HFM1: variants seen among roughly 807,000 people sequenced by gnomAD.
The protein encoded by HFM1 is probable ATP-dependent DNA helicase HFM1.
HFM1 carries 169 observed loss-of-function variants against 192.1 expected under a neutral mutation model. The observed-to-expected ratio is 0.88, with a 90% CI of 0.78 to 1.00. HFM1 has a LOEUF of 1.00. HFM1 is among the 50% of genes least tolerant of loss of function. The pLI is 0.00. For synonymous variants in HFM1, 525 were observed against 537.8 expected (o/e 0.98, Z 0.33); for missense variants, 1,661 against 1,668.0 (o/e 1.00, Z 0.07).
At chr1:91,324,796 C>T (rs764073812) in intron 20 of HFM1, 30 bp from the exon 21 acceptor site, 51 of 1,173,782 alleles carry the variant, frequency 4.3e-5, no homozygotes, top group Non-Finnish European at 6.1e-5. Flanking sequence ...AATGAACGGT[C>T]CCCTCATCAG....
intron 20 of HFM1, among the ~76,000 whole-genome samples, chr1:91,333,933 T>A (rs1010248980): frequency 1.3e-5 from 2 of 152,184 alleles, no homozygotes; most frequent in Non-Finnish European, 2.9e-5. Flanking sequence ...TGTTAGTATT[T>A]ACATACAAAC....
chr1:91,365,693 G>A lies in HFM1; in HGVS notation c.1685+9665C>T, dbSNP rs573073047. On this transcript the variant is annotated intron_variant, in intron 13 of 38. Transcript: ENST00000370425. ...GAATTATTTTTATGATAACACTCAT[G>A]ACTTTTTTTAAGGATTCACAATGGA... 2.0e-5 allele frequency among the ~76,000 whole-genome samples: 3 copies of A among 152,118 alleles called. 1 individual carries two copies. In the South Asian group the frequency reaches 6.2e-4, roughly 32 times the overall value.
chr1:91,334,432 G>A (rs1654282255), intron 20 of HFM1, among the ~76,000 whole-genome samples: 1 of 152,152 alleles, frequency 6.6e-6, no homozygotes, highest in African/African-American at 2.4e-5. Context: ...GGCCCTGAAA[G>A]AGCCCTCAAA....
Position 91,353,149 on chromosome 1 carries a change from A to C in HFM1, c.1733T>G (p.Ile578Ser). Reference sequence around the variant, plus strand: ...ATGATAAGCAGCACCATCTTTTAAGATATCTGTAATAGAAATATATCAGCT... The same window carrying C: ...ATGATAAGCAGCACCATCTTTTAAGCTATCTGTAATAGAAATATATCAGCT... The part of the protein sequence containing the change: ...YSVRDSKLRD[I>S]LKDGAAYHHA... Residue 578 changes from isoleucine to serine, a missense_variant, in exon 15 of 39, where the codon ATC becomes AGC. By Grantham distance (142) the Ile-to-Ser change is moderately radical. Transcript: ENST00000370425. The C allele has an allele frequency of 6.2e-7, 1 of 1,602,368 alleles. No individual in the cohort carries two copies. The highest frequency in any genetic ancestry group is 2.2e-5 in the East Asian group (1 of 44,674).
At chr1:91,276,022 T>G (rs1197927460) in intron 32 of HFM1, among the ~76,000 whole-genome samples, 1 of 152,152 alleles carries the variant, frequency 6.6e-6, no homozygotes, top group Non-Finnish European at 1.5e-5. Flanking sequence ...GTAATCAAAC[T>G]CTAGACGTAC....
In HFM1 at chr1:91,380,152, A is replaced by G. The variant is rs374059393; in HGVS notation, c.958T>C (p.Leu320=). The change falls in exon 8 of 39, where the codon TTG becomes CTG. Residue 320 remains leucine (L), a synonymous_variant. Coordinates refer to ENST00000370425, the MANE Select transcript of HFM1 (RefSeq NM_001017975.6). ...CATGGCAATGGTACTTCCATTAACA[A>G]TCTTGTTATAGCTAGTTCAAACACT... ...TVVFELAITR[L]LMEVPLPWLN... 224 of 1,501,976 alleles carry G rather than the reference A, an allele frequency of 1.5e-4. 1 individual carries two copies. Among genetic ancestry groups the G allele is most frequent in the Middle Eastern group, 1.0e-3 (6 of 5,804 alleles). 93.0% of individuals were successfully genotyped at this position (1,501,976 alleles called of 1,614,324 possible). A position where few individuals can be genotyped will look rare whatever the true frequency, so the allele number is the denominator to read the frequency against.
chr1:91,402,650 A>C (rs765746272), intron 1 of HFM1, among the ~76,000 whole-genome samples: 1 of 152,174 alleles, frequency 6.6e-6, no homozygotes, highest in Non-Finnish European at 1.5e-5. Flanking sequence ...AGTATAAATG[A>C]AAATGTTAAT....
intron 30 of HFM1, among the ~76,000 whole-genome samples, chr1:91,289,194 G>A (rs1391390429): frequency 7.3e-5 from 11 of 151,462 alleles, no homozygotes; most frequent in East Asian, 2.0e-4. Context: ...GGGTGGTGGC[G>A]GGGCAGAGAC....
chr1:91,381,237 T>C (rs1661520521), intron 6 of HFM1, among the ~76,000 whole-genome samples: 1 of 152,156 alleles, frequency 6.6e-6, no homozygotes, highest in Non-Finnish European at 1.5e-5. Flanking sequence ...GAGTGCTAAA[T>C]ATGATGGAAG....
At chr1:91,396,492 A>G in intron 2 of HFM1, 87 bp from the exon 3 acceptor site, 1 of 648,144 alleles carries the variant, frequency 1.5e-6, no homozygotes, top group Non-Finnish European at 2.6e-6. Context: ...ACTCAATTGG[A>G]CTCTTAAACA....
At chr1:91,366,992 A>T (rs1659417403) in intron 13 of HFM1, among the ~76,000 whole-genome samples, 1 of 152,226 alleles carries the variant, frequency 6.6e-6, no homozygotes, top group African/African-American at 2.4e-5. Context: ...TCCTACACCC[A>T]CAGAGCCTCG....
At chr1:91,295,741 A>G (rs1380522005) in intron 30 of HFM1, among the ~76,000 whole-genome samples, 2 of 152,136 alleles carry the variant, frequency 1.3e-5, no homozygotes, top group East Asian at 3.9e-4. Context: ...TAACATAGTC[A>G]AATTCATTAT....
At chr1:91,288,598 C>T (rs1325619217) in intron 30 of HFM1, among the ~76,000 whole-genome samples, 5 of 151,930 alleles carry the variant, frequency 3.3e-5, no homozygotes, top group Non-Finnish European at 5.9e-5. Flanking sequence ...AGTATGCTGC[C>T]TTCAAGCATC....
rs1478481729 is a variant in HFM1 at position 91,396,404 on chromosome 1, G to T, written c.73C>A (p.His25Asn). The change falls in exon 3 of 39, where the codon CAT (histidine) becomes AAT (asparagine). Residue 25 changes from histidine to asparagine, a missense_variant and splice_region_variant. Coordinates refer to ENST00000370425, the MANE Select transcript of HFM1 (RefSeq NM_001017975.6). Reference sequence around the variant, plus strand: ...TCCAATGACTTTTCATTGTCTGGATGGCTATATAAAATATAAAAATGTGAG... The same window carrying T: ...TCCAATGACTTTTCATTGTCTGGATTGCTATATAAAATATAAAAATGTGAG... Reference protein sequence around the residue: ...FFEKPDEVENHPDNEKSLDWF... With the variant: ...FFEKPDEVENNPDNEKSLDWF... The T allele has an allele frequency of 6.0e-6, 9 of 1,508,770 alleles. No homozygotes were observed. The highest frequency in any genetic ancestry group is 8.2e-6 in the Non-Finnish European group (9 of 1,098,110). The allele number at this position is 1,508,770 out of a possible 1,614,324, so 93.5% of individuals were successfully genotyped here.
intron 13 of HFM1, among the ~76,000 whole-genome samples, chr1:91,356,633 C>A (rs1657775958): frequency 6.6e-6 from 1 of 150,494 alleles, no homozygotes; most frequent in African/African-American, 2.4e-5. Flanking sequence ...AAATAGAGAT[C>A]CACCAAAAAA....
At chr1:91,348,248 G>C (rs1199451702) in intron 18 of HFM1, among the ~76,000 whole-genome samples, 1 of 151,944 alleles carries the variant, frequency 6.6e-6, no homozygotes, top group East Asian at 1.9e-4. Flanking sequence ...CTATGAAAAG[G>C]AAGAAATGAA....
At chr1:91,317,270 C>T (rs893336690) in intron 25 of HFM1, among the ~76,000 whole-genome samples, 2 of 152,012 alleles carry the variant, frequency 1.3e-5, no homozygotes, top group African/African-American at 2.4e-5. Flanking sequence ...CAAAATTAGC[C>T]GGGCATGGTG....
chr1:91,312,034 C>T (rs1257540110), intron 30 of HFM1, among the ~76,000 whole-genome samples: 2 of 152,156 alleles, frequency 1.3e-5, no homozygotes, highest in Non-Finnish European at 2.9e-5. Flanking sequence ...ACACAGAAGT[C>T]AAGAATCGAG....
intron 30 of HFM1, among the ~76,000 whole-genome samples, chr1:91,298,508 A>C (rs1036335954): frequency 4.0e-5 from 3 of 75,880 alleles, no homozygotes; most frequent in African/African-American, 1.6e-4. Flanking sequence ...AGTTGAAATG[A>C]AGGAAAAAAT....
Sources: gnomAD v4.1 joint callset for allele counts (sites outside exome capture counted in the v4.1 genomes callset) on GRCh38, gnomAD v4.1.1 for gene constraint, MANE v1.5 for transcripts, NCBI Gene and HGNC (gene_info 2026-07-23, HGNC 2026-07-21) for gene names.